The following LHFPL3 variants were observed in gnomAD, a reference collection of about 807,000 sequenced individuals.
LHFPL3 encodes the protein LHFPL tetraspan subfamily member 3.
LHFPL3 carries 5 observed loss-of-function variants against 19.3 expected under a neutral mutation model. The observed-to-expected ratio is 0.26, with a 90% CI of 0.14 to 0.54. The LOEUF (loss-of-function observed/expected upper bound fraction) is 0.54. Among genes scored for constraint, LHFPL3 ranks in the 20% least tolerant of loss-of-function variants. The pLI, the probability that LHFPL3 is intolerant of heterozygous loss-of-function variation, is 0.94. For synonymous variants in LHFPL3, 133 were observed against 126.2 expected, an observed-to-expected ratio of 1.05 and a Z score of -0.36; for missense variants, 249 against 307.4, an observed-to-expected ratio of 0.81 and a Z score of 1.42.
chr7:104,655,791 C>T (rs1792110998), intron 1 of LHFPL3, among the ~76,000 whole-genome samples: 1 of 152,186 alleles, frequency 6.6e-6, no homozygotes, highest in Non-Finnish European at 1.5e-5. Flanking sequence ...CCTTGGTTAC[C>T]AATGACTTTC....
intron 1 of LHFPL3, among the ~76,000 whole-genome samples, chr7:104,479,267 C>A (rs1793083354): frequency 6.6e-6 from 1 of 152,174 alleles, no homozygotes; most frequent in Non-Finnish European, 1.5e-5. Flanking sequence ...TTATTGTTTT[C>A]ATCAGGCATT....
intron 1 of LHFPL3, among the ~76,000 whole-genome samples, chr7:104,493,285 C>G (rs1487492882): frequency 6.6e-6 from 1 of 151,936 alleles, no homozygotes; most frequent in East Asian, 1.9e-4. Context: ...ATTGTTCCTT[C>G]TCTATCTTCT....
At chr7:104,545,819 G>C (rs144566583) in intron 1 of LHFPL3, among the ~76,000 whole-genome samples, 31 of 152,258 alleles carry the variant, frequency 2.0e-4, no homozygotes, top group Admixed American at 3.9e-4. Flanking sequence ...CAAAAAAACT[G>C]CTCTATCAGT....
intron 1 of LHFPL3, among the ~76,000 whole-genome samples, chr7:104,591,946 GC>G (rs1246756343): frequency 6.6e-6 from 1 of 152,116 alleles, no homozygotes; most frequent in African/African-American, 2.4e-5. Flanking sequence ...TCATTCTCGT[GC>G]CACGGTTTTC....
chr7:104,812,463 C>T (rs906585385), intron 2 of LHFPL3, among the ~76,000 whole-genome samples: 1 of 152,086 alleles, frequency 6.6e-6, no homozygotes, highest in Non-Finnish European at 1.5e-5. Flanking sequence ...CTACACCAGC[C>T]TAGGCAACAT....
intron 1 of LHFPL3, among the ~76,000 whole-genome samples, chr7:104,637,097 T>C (rs887938035): frequency 6.6e-6 from 1 of 152,202 alleles, no homozygotes; most frequent in African/African-American, 2.4e-5. Context: ...TGAGATGGTA[T>C]CATTTTGGTT....
intron 1 of LHFPL3, among the ~76,000 whole-genome samples, chr7:104,562,935 C>G (rs1226579088): frequency 2.2e-4 from 34 of 151,948 alleles, no homozygotes; most frequent in Non-Finnish European, 1.2e-4. Flanking sequence ...GTTGGAGTAC[C>G]CTGCCGTGTG....
intron 1 of LHFPL3, among the ~76,000 whole-genome samples, chr7:104,661,998 A>G (rs1323060560): frequency 6.6e-6 from 1 of 151,804 alleles, no homozygotes; most frequent in Non-Finnish European, 1.5e-5. Context: ...TAGAGCAGGT[A>G]GCATCTACGG....
chr7:104,669,269 G>T (rs1792425294), intron 1 of LHFPL3: 1 of 1,613,910 alleles, frequency 6.2e-7, no homozygotes, highest in South Asian at 1.1e-5. Flanking sequence ...AGTGGTGGGG[G>T]AAAAGTAGCT....
intron 1 of LHFPL3, among the ~76,000 whole-genome samples, chr7:104,590,972 C>A (rs1466854386): frequency 6.6e-6 from 1 of 152,096 alleles, no homozygotes; most frequent in East Asian, 1.9e-4. Context: ...CTTGGCAGAT[C>A]ATCCTCCATC....
At chr7:104,495,605 C>T (rs184008376) in intron 1 of LHFPL3, among the ~76,000 whole-genome samples, 346 of 152,218 alleles carry the variant, frequency 2.3e-3, no homozygotes, top group Non-Finnish European at 2.4e-3. Context: ...GGATGGTCTC[C>T]ATCTCCTGAC....
intron 1 of LHFPL3, among the ~76,000 whole-genome samples, chr7:104,710,738 A>G (rs1439913379): frequency 6.6e-6 from 1 of 152,238 alleles, no homozygotes; most frequent in Non-Finnish European, 1.5e-5. Context: ...GACAATTAGA[A>G]GAGCACTTGG....
intron 1 of LHFPL3, among the ~76,000 whole-genome samples, chr7:104,492,546 G>A (rs536469550): frequency 2.6e-5 from 4 of 152,322 alleles, no homozygotes; most frequent in South Asian, 2.1e-4. Flanking sequence ...TTTGATGGCC[G>A]TGTTTTGCAT....
intron 1 of LHFPL3, among the ~76,000 whole-genome samples, chr7:104,574,802 G>C (rs996696893): frequency 6.6e-6 from 1 of 152,078 alleles, no homozygotes; most frequent in African/African-American, 2.4e-5. Context: ...TTAGGGTTTT[G>C]ATACTGGCAA....
intron 2 of LHFPL3, among the ~76,000 whole-genome samples, chr7:104,824,838 TTATATATTATCTAATAATTA>T (rs1187343841): frequency 9.2e-5 from 12 of 129,890 alleles, no homozygotes; most frequent in East Asian, 4.2e-4. Flanking sequence ...TAATTATATA[TTATATATTATCTAATAATTA>T]TATATATTAT....
At chr7:104,849,413 G>C (rs1791372553) in intron 2 of LHFPL3, among the ~76,000 whole-genome samples, 1 of 152,172 alleles carries the variant, frequency 6.6e-6, no homozygotes, top group African/African-American at 2.4e-5. Context: ...ACATTAATTT[G>C]CTCCCTCAGG....
intron 2 of LHFPL3, among the ~76,000 whole-genome samples, chr7:104,816,733 T>A (rs996759027): frequency 6.6e-6 from 1 of 152,232 alleles, no homozygotes; most frequent in Non-Finnish European, 1.5e-5. Flanking sequence ...TTCAGGCCAC[T>A]CAACGTGGCA....
At chr7:104,814,072 C>T (rs1271669711) in intron 2 of LHFPL3, among the ~76,000 whole-genome samples, 1 of 152,226 alleles carries the variant, frequency 6.6e-6, no homozygotes, top group African/African-American at 2.4e-5. Flanking sequence ...AGGAGCTTTA[C>T]TGAGCAATAG....
At chr7:104,714,643 C>T (rs1793354916) in intron 1 of LHFPL3, among the ~76,000 whole-genome samples, 2 of 151,686 alleles carry the variant, frequency 1.3e-5, no homozygotes, top group African/African-American at 4.8e-5. Flanking sequence ...TTAAGAAGAG[C>T]CAGATAGACA....
Sources: allele counts gnomAD v4.1 joint callset (sites outside exome capture counted in the v4.1 genomes callset), GRCh38; gene constraint gnomAD v4.1.1; transcripts MANE v1.5; gene names NCBI Gene and HGNC (gene_info 2026-07-23, HGNC 2026-07-21).